DPP6: variants seen among roughly 807,000 people sequenced by gnomAD.
DPP6 encodes the protein dipeptidyl peptidase like 6.
Under a neutral mutation model 122.6 loss-of-function variants are expected in DPP6, and 69 were observed. That is an observed-to-expected ratio of 0.56 (90% CI 0.46 to 0.69). DPP6 has a LOEUF of 0.69. Ranked by LOEUF, DPP6 falls within the 30% of genes least tolerant of loss-of-function variation. DPP6 has a pLI of 0.00. For synonymous variants in DPP6, 418 were observed against 433.1 expected (o/e 0.97, Z 0.43); for missense variants, 928 against 1,116.9 (o/e 0.83, Z 2.41).
rs1830782445 is a variant in DPP6 at position 154,566,834 on chromosome 7, T to C, written c.553-8T>C. 1 of 1,508,372 alleles carries C rather than the reference T, an allele frequency of 6.6e-7. No homozygotes were observed. Among genetic ancestry groups the C allele is most frequent in the Admixed American group, 1.8e-5 (1 of 56,096 alleles). The allele number at this position is 1,508,372 out of a possible 1,614,324, so 93.4% of individuals were successfully genotyped here. On this transcript the variant is annotated splice_region_variant and splice_polypyrimidine_tract_variant and intron_variant, in intron 4 of 25. Transcript: ENST00000377770. ...GCTTTAAAATTCTTTGTCTATTTTT[T>C]CTTTTAGGAATCATTAAGAGCCATC... is the stretch of plus-strand genomic sequence containing the variant.
At chr7:154,538,709 A>T (rs866269374) in intron 3 of DPP6, among the ~76,000 whole-genome samples, 4,963 of 151,830 alleles carry the variant, frequency 0.033, 268 homozygotes, top group African/African-American at 0.11. Context: ...AGTGCTTTCT[A>T]AAAAAAAATT....
chr7:154,287,743 C>T (rs900797894), intron 1 of DPP6, among the ~76,000 whole-genome samples: 1 of 152,152 alleles, frequency 6.6e-6, no homozygotes, highest in African/African-American at 2.4e-5. Flanking sequence ...TCAAATCCCA[C>T]TTTCCCTGAT....
chr7:154,711,010 T>C (rs1429644418), intron 7 of DPP6, among the ~76,000 whole-genome samples: 1 of 152,238 alleles, frequency 6.6e-6, no homozygotes, highest in Non-Finnish European at 1.5e-5. Context: ...CTGATGTAAT[T>C]AGCTTGATCA....
chr7:154,024,274 T>C (rs1393155700), intron 1 of DPP6, among the ~76,000 whole-genome samples: 2 of 152,214 alleles, frequency 1.3e-5, no homozygotes, highest in African/African-American at 2.4e-5. Context: ...TCAGTAGATA[T>C]AGTTATATGT....
chr7:154,796,131 A>G, intron 12 of DPP6: 3 of 517,952 alleles, frequency 5.8e-6, no homozygotes, highest in Non-Finnish European at 9.8e-6. Flanking sequence ...AGAGCGTGGA[A>G]TGTTTGGTGA....
chr7:154,174,818 C>T (rs1797712183), intron 1 of DPP6, among the ~76,000 whole-genome samples: 1 of 151,958 alleles, frequency 6.6e-6, no homozygotes, highest in African/African-American at 2.4e-5. Context: ...CTCCTCTCTT[C>T]TCTTACCCTC....
At chr7:154,120,966 T>C (rs1361174038) in intron 1 of DPP6, among the ~76,000 whole-genome samples, 3 of 152,278 alleles carry the variant, frequency 2.0e-5, no homozygotes, top group Non-Finnish European at 4.4e-5. Context: ...GTGGAGACAA[T>C]TGAATCCTGG....
chr7:154,240,795 C>T (rs1801541962), intron 1 of DPP6, among the ~76,000 whole-genome samples: 1 of 152,180 alleles, frequency 6.6e-6, no homozygotes, highest in African/African-American at 2.4e-5. Context: ...TTCCAGCATT[C>T]TCTCCTCGGA....
At chr7:154,777,636 G>A (rs1587108211) in intron 10 of DPP6, among the ~76,000 whole-genome samples, 1 of 152,196 alleles carries the variant, frequency 6.6e-6, no homozygotes, top group South Asian at 2.1e-4. Context: ...GTTAAGATGC[G>A]GCAGATAGCC....
intron 17 of DPP6, among the ~76,000 whole-genome samples, chr7:154,861,816 G>C (rs969796126): frequency 6.6e-6 from 1 of 152,108 alleles, no homozygotes; most frequent in Admixed American, 6.5e-5. Flanking sequence ...GTGCGCTCCT[G>C]GTTTTTCCCT....
chr7:154,065,445 C>A (rs1370251530), intron 1 of DPP6, among the ~76,000 whole-genome samples: 1 of 151,562 alleles, frequency 6.6e-6, no homozygotes, highest in East Asian at 1.9e-4. Context: ...TCCAGCATTC[C>A]CCCCAGTAAG....
chr7:154,742,797 G>A (rs1333108206), intron 8 of DPP6, among the ~76,000 whole-genome samples: 1 of 152,212 alleles, frequency 6.6e-6, no homozygotes, highest in Non-Finnish European at 1.5e-5. Context: ...GTCAGGGAAC[G>A]GTGGCCTCTC....
intron 1 of DPP6, among the ~76,000 whole-genome samples, chr7:154,080,566 A>G (rs574327929): frequency 1.2e-4 from 19 of 152,290 alleles, no homozygotes; most frequent in Non-Finnish European, 1.9e-4. Context: ...TGGAGCACAT[A>G]TGCTTTTCCC....
Position 154,061,616 on chromosome 7 carries a change from CA to C in DPP6, c.243+8554del, listed in dbSNP as rs750401509. ...CCCCTGGCTCTTGGGACTCCCATCA[CA>C]GGGGGGGGAGGCACCCGCTGCGAGG... On this transcript the variant is annotated intron_variant, in intron 1 of 25. Transcript: ENST00000377770. Among the ~76,000 whole-genome samples the C allele has an allele frequency of 1.3e-3, 180 of 141,386 alleles. 21 individuals are homozygous for C. The highest frequency in any genetic ancestry group is 7.2e-3 in the Middle Eastern group (2 of 278). The allele number at this position is 141,386 out of a possible 152,430, so 92.8% of individuals were successfully genotyped here.
At chr7:154,607,561 C>CAAAAAAAAAAAA (rs1162220684) in intron 5 of DPP6, among the ~76,000 whole-genome samples, 2 of 22,378 alleles carry the variant, frequency 8.9e-5, no homozygotes, top group Non-Finnish European at 1.6e-4. Context: ...GACTCTGTCT[C>CAAAAAAAAAAAA]AAAAAAAAAA....
chr7:153,806,376 C>A, the DPP6 span, among the ~76,000 whole-genome samples: 2 of 151,786 alleles, frequency 1.3e-5, no homozygotes, highest in African/African-American at 4.9e-5. Flanking sequence ...ATGTATAAAT[C>A]ATACATTAAT....
chr7:154,069,494 G>A (rs1025545428), intron 1 of DPP6, among the ~76,000 whole-genome samples: 6 of 150,750 alleles, frequency 4.0e-5, no homozygotes, highest in Admixed American at 4.0e-4. Context: ...AAAGTCTTTG[G>A]CCCATTATTT....
At chr7:154,717,152 G>GTA (rs55819540) in intron 7 of DPP6, among the ~76,000 whole-genome samples, 67,719 of 151,858 alleles carry the variant, frequency 0.45, 16,220 homozygotes, top group Admixed American at 0.57. Flanking sequence ...TTCAATACAT[G>GTA]TATACAATGT....
chr7:153,768,794 T>C, the DPP6 span, among the ~76,000 whole-genome samples: 1 of 152,200 alleles, frequency 6.6e-6, no homozygotes, highest in African/African-American at 2.4e-5. Context: ...ACTTTTTCAG[T>C]CTCTTAATGG....
Sources: allele counts gnomAD v4.1 joint callset (sites outside exome capture counted in the v4.1 genomes callset), GRCh38; gene constraint gnomAD v4.1.1; transcripts MANE v1.5; gene names NCBI Gene and HGNC (gene_info 2026-07-23, HGNC 2026-07-21).